The following BMP6 variants were observed in gnomAD, a reference collection of about 807,000 sequenced individuals.
BMP6 encodes the protein bone morphogenetic protein 6.
In BMP6, 17 loss-of-function variants were observed where a neutral mutation model predicts 54.1. The observed-to-expected ratio is 0.31, with a 90% CI of 0.22 to 0.47. The LOEUF (loss-of-function observed/expected upper bound fraction) is 0.47, where lower values mean the gene tolerates loss of function less well. Ranked by LOEUF, BMP6 falls within the 20% of genes least tolerant of loss-of-function variation. BMP6 has a pLI of 1.00. For missense variants in BMP6, 720 were observed against 690.4 expected, an observed-to-expected ratio of 1.04 and a Z score of -0.48; for synonymous variants, 328 against 291.2, an observed-to-expected ratio of 1.13 and a Z score of -1.28.
intron 4 of BMP6, among the ~76,000 whole-genome samples, chr6:7,871,015 CTG>C (rs914867306): frequency 2.0e-5 from 3 of 152,234 alleles, no homozygotes; most frequent in African/African-American, 4.8e-5. Context: ...CTGTCCCACA[CTG>C]TGAGAGGAAA....
intron 2 of BMP6, among the ~76,000 whole-genome samples, chr6:7,859,863 G>T (rs1361097852): frequency 6.6e-6 from 1 of 152,130 alleles, no homozygotes; most frequent in Non-Finnish European, 1.5e-5. Context: ...TTATACTTGG[G>T]AAAGACGACA....
intron 1 of BMP6, among the ~76,000 whole-genome samples, chr6:7,781,040 A>G (rs1328675366): frequency 6.6e-6 from 1 of 152,108 alleles, no homozygotes; most frequent in Non-Finnish European, 1.5e-5. Flanking sequence ...TGTACCTCTT[A>G]ACGACTTCCT....
intron 1 of BMP6, among the ~76,000 whole-genome samples, chr6:7,788,902 C>A (rs1012911784): frequency 6.9e-5 from 10 of 145,842 alleles, no homozygotes; most frequent in Non-Finnish European, 1.5e-5. Flanking sequence ...GTGTTCTGTG[C>A]TTTGCTCTCC....
intron 4 of BMP6, among the ~76,000 whole-genome samples, chr6:7,878,193 G>A (rs1759652192): frequency 6.6e-6 from 1 of 152,154 alleles, no homozygotes; most frequent in Admixed American, 6.5e-5. Context: ...TAGCATCCAT[G>A]TTCTGGTTTG....
intron 4 of BMP6, among the ~76,000 whole-genome samples, chr6:7,875,164 C>A (rs1759593379): frequency 6.6e-6 from 1 of 152,032 alleles, no homozygotes; most frequent in Non-Finnish European, 1.5e-5. Context: ...AGTGCAAAGC[C>A]CTGGGAACTG....
At chr6:7,853,724 T>G (rs1759180192) in intron 2 of BMP6, among the ~76,000 whole-genome samples, 1 of 152,218 alleles carries the variant, frequency 6.6e-6, no homozygotes, top group African/African-American at 2.4e-5. Flanking sequence ...ACTGCTGACT[T>G]GATAATCTCT....
intron 2 of BMP6, among the ~76,000 whole-genome samples, chr6:7,846,368 T>C (rs1002098253): frequency 3.9e-5 from 6 of 152,218 alleles, no homozygotes; most frequent in African/African-American, 1.4e-4. Context: ...TGGTTTTTCC[T>C]GAATGTATTG....
At chr6:7,815,059 G>GCTAA (rs1758505513) in intron 1 of BMP6, among the ~76,000 whole-genome samples, 1 of 152,160 alleles carries the variant, frequency 6.6e-6, no homozygotes, top group Non-Finnish European at 1.5e-5. Context: ...ATTGTGTGAT[G>GCTAA]CTAAGTTCCT....
intron 1 of BMP6, among the ~76,000 whole-genome samples, chr6:7,770,050 C>T (rs529453960): frequency 6.6e-6 from 1 of 152,282 alleles, no homozygotes; most frequent in East Asian, 1.9e-4. Context: ...CACCACCCCC[C>T]TGCACCTCCC....
At chr6:7,761,646 G>A (rs1429393842) in intron 1 of BMP6, among the ~76,000 whole-genome samples, 1 of 152,200 alleles carries the variant, frequency 6.6e-6, no homozygotes, top group Non-Finnish European at 1.5e-5. Flanking sequence ...TCAGGCACCT[G>A]CTGACACTGG....
chr6:7,785,441 T>G (rs964220117), intron 1 of BMP6, among the ~76,000 whole-genome samples: 4 of 152,214 alleles, frequency 2.6e-5, no homozygotes, highest in Admixed American at 6.5e-5. Flanking sequence ...ACAGTAAGAT[T>G]GGTTGTGTTT....
At chr6:7,743,807 A>G (rs544652440) in intron 1 of BMP6, among the ~76,000 whole-genome samples, 19 of 152,360 alleles carry the variant, frequency 1.2e-4, no homozygotes, top group African/African-American at 4.6e-4. Context: ...AGGTTCAACT[A>G]TAGTACATGC....
At chr6:7,732,710 G>A (rs1054968720) in intron 1 of BMP6, among the ~76,000 whole-genome samples, 2 of 152,088 alleles carry the variant, frequency 1.3e-5, no homozygotes, top group Non-Finnish European at 2.9e-5. Context: ...TATATCAAAC[G>A]TAGCAAACTA....
chr6:7,808,011 C>T (rs557858556), intron 1 of BMP6, among the ~76,000 whole-genome samples: 35 of 146,360 alleles, frequency 2.4e-4, no homozygotes, highest in Admixed American at 9.9e-4. Flanking sequence ...ATCTCCACTT[C>T]GCGGGTTCAC....
At chr6:7,786,829 G>T (rs945482284) in intron 1 of BMP6, among the ~76,000 whole-genome samples, 1 of 152,148 alleles carries the variant, frequency 6.6e-6, no homozygotes, top group African/African-American at 2.4e-5. Flanking sequence ...AGCAGGGAGG[G>T]TTTCCCTGAG....
intron 1 of BMP6, among the ~76,000 whole-genome samples, chr6:7,728,883 T>A (rs1209351508): frequency 6.6e-6 from 1 of 152,218 alleles, no homozygotes; most frequent in East Asian, 1.9e-4. Context: ...GCGTAGACTA[T>A]CTGGGTGATT....
At chr6:7,823,678 G>A (rs267175) in intron 1 of BMP6, among the ~76,000 whole-genome samples, 55,313 of 151,996 alleles carry the variant, frequency 0.36, 11,038 homozygotes, top group East Asian at 0.73. Flanking sequence ...ATGTGACAAG[G>A]GGAGAGAGAA....
chr6:7,755,558 A>G (rs949739499), intron 1 of BMP6, among the ~76,000 whole-genome samples: 1 of 152,190 alleles, frequency 6.6e-6, no homozygotes, highest in African/African-American at 2.4e-5. Context: ...TGCATCAAGC[A>G]GTCAATCACG....
chr6:7,742,944 C>T (rs189817726), intron 1 of BMP6, among the ~76,000 whole-genome samples: 17 of 152,230 alleles, frequency 1.1e-4, no homozygotes, highest in African/African-American at 4.1e-4. Context: ...TTTTGCACTC[C>T]CTACCAGAGT....
Sources: gnomAD v4.1 joint callset for allele counts (sites outside exome capture counted in the v4.1 genomes callset) on GRCh38, gnomAD v4.1.1 for gene constraint, MANE v1.5 for transcripts, NCBI Gene and HGNC (gene_info 2026-07-23, HGNC 2026-07-21) for gene names.